Variants in ATN1 observed in about 807,000 individuals in gnomAD.
The protein encoded by ATN1 is atrophin 1.
A neutral mutation model predicts 85.8 loss-of-function variants in ATN1; 19 were observed. That is an observed-to-expected ratio of 0.22 (90% confidence interval 0.15 to 0.32). The LOEUF (loss-of-function observed/expected upper bound fraction) is 0.32, where lower values mean the gene tolerates loss of function less well. Among genes scored for constraint, ATN1 ranks in the 10% least tolerant of loss-of-function variants. ATN1 has a pLI of 1.00. For synonymous variants in ATN1, 674 were observed against 657.0 expected (o/e 1.03, Z -0.39); for missense variants, 1,453 against 1,564.5 (o/e 0.93, Z 1.20).
At chr12:6,939,424 A>G (rs1027975958) in intron 7 of ATN1, among the ~76,000 whole-genome samples, 1 of 152,212 alleles carries the variant, frequency 6.6e-6, no homozygotes, top group Non-Finnish European at 1.5e-5. Context: ...TTCCCATGAC[A>G]GAGGCCCACA....
At chr12:6,940,822 T>TG (rs2138222635) in intron 7 of ATN1, 58 bp from the exon 8 acceptor site, 1 of 1,608,176 alleles carries the variant, frequency 6.2e-7, no homozygotes. Context: ...TTCACCCAAA[T>TG]GCATGGTTTG....
Position 6,937,190 on chromosome 12 carries a change from G to A in ATN1, c.1923G>A (p.Lys641=), listed in dbSNP as rs936832430. 6.2e-7 allele frequency: 1 copy of A among 1,611,350 alleles called. No individual in the cohort carries two copies. Among genetic ancestry groups the A allele is most frequent in the Non-Finnish European group, 8.5e-7 (1 of 1,179,612 alleles). ...CACCTGGGCCCCCACCGTACGGAAA[G>A]AGAGCCCCGTCCCCGGGGGCCTACA... ...ASPPGPPPYG[K]RAPSPGAYKT... The change falls in exon 5 of 10, where the codon AAG becomes AAA. Residue 641 remains lysine, a synonymous_variant. Coordinates refer to ENST00000396684, the MANE Select transcript of ATN1 (RefSeq NM_001940.4). The surrounding 1 kb of genome is among the most constrained non-coding windows in gnomAD (Gnocchi z 6.0).
chr12:6,929,218 T>C lies in ATN1; in HGVS notation c.-163+834T>C, dbSNP rs1032776688. Among the ~76,000 whole-genome samples, 62 of 152,010 alleles carry C rather than the reference T, an allele frequency of 4.1e-4. 1 individual carries two copies. The highest frequency in any genetic ancestry group is 6.5e-5 in the Admixed American group (1 of 15,272). On this transcript the variant is annotated intron_variant, in intron 1 of 9. Coordinates refer to ENST00000396684, the MANE Select transcript of ATN1 (RefSeq NM_001940.4). Reference sequence around the variant, plus strand: ...GTTCTGGGAGGATGGAAATGGAGAATTGAGCAACCTTACAGGCACTCCAGG... The same window carrying C: ...GTTCTGGGAGGATGGAAATGGAGAACTGAGCAACCTTACAGGCACTCCAGG...
Position 6,937,215 on chromosome 12 carries a change from A to C in ATN1, c.1948A>C (p.Lys650Gln). ...GAGAGCCCCGTCCCCGGGGGCCTAC[A>C]AGACAGCCACCCCACCCGGATACAA... The part of the protein sequence containing the change: ...GKRAPSPGAY[K>Q]TATPPGYKPG... Residue 650 changes from lysine (K) to glutamine (Q), a missense_variant, in exon 5 of 10, where the codon AAG (lysine) becomes CAG (glutamine). Coordinates refer to ENST00000396684, the MANE Select transcript of ATN1 (RefSeq NM_001940.4). This position sits in a 1 kb window ranked among gnomAD's most constrained non-coding sequence, Gnocchi z 6.0. The C allele has an allele frequency of 6.2e-7, 1 of 1,611,502 alleles. No homozygotes were observed. The highest frequency in any genetic ancestry group is 8.5e-7 in the Non-Finnish European group (1 of 1,179,582).
In ATN1 at chr12:6,936,004, G is replaced by C. The variant is rs782237952; in HGVS notation, c.737G>C (p.Gly246Ala). The C allele has an allele frequency of 5.0e-6, 8 of 1,588,012 alleles. No individual in the cohort carries two copies. The Admixed American group carries it at 1.4e-4, about 28-fold the overall frequency. Residue 246 changes from glycine (G) to alanine (A), a missense_variant, in exon 5 of 10, where the codon GGC (glycine) becomes GCC (alanine). Around this residue, in one of 6 missense-constraint regions of ATN1, gnomAD observed 990 missense variants for 914.8 expected, o/e 1.08. Transcript: ENST00000396684. ...GGAGGGGCTGCCTCATCAGTGGGGG[G>C]CCCTAATGGGGGTAAGCAGCACCCC... ...KGGGAASSVG[G>A]PNGGKQHPPP...
upstream of ATN1, chr12:6,924,625 T>G (rs782800917): frequency 6.6e-6 from 1 of 152,590 alleles, no homozygotes; most frequent in South Asian, 2.1e-4. Context: ...ATTTCTTTTC[T>G]TGCCCTCCTT....
upstream of ATN1, among the ~76,000 whole-genome samples, chr12:6,925,305 C>G (rs1298548053): frequency 6.6e-6 from 1 of 152,054 alleles, no homozygotes; most frequent in Non-Finnish European, 1.5e-5. Context: ...TAGCCCATTC[C>G]TTAGTGATTA....
upstream of ATN1, among the ~76,000 whole-genome samples, chr12:6,925,117 C>CGTGT (rs376981297): frequency 0.066 from 9,447 of 143,752 alleles, 601 homozygotes; most frequent in East Asian, 0.35. Context: ...TGTGCGTGTG[C>CGTGT]GTGTGTGTGT....
chr12:6,924,947 C>T (rs1476192078), upstream of ATN1, among the ~76,000 whole-genome samples: 1 of 152,158 alleles, frequency 6.6e-6, no homozygotes, highest in Admixed American at 6.5e-5. Context: ...GGCCCCCCAA[C>T]CCCCAAAGTA....
intron 7 of ATN1, among the ~76,000 whole-genome samples, chr12:6,939,441 C>G (rs1945604273): frequency 1.3e-5 from 2 of 152,212 alleles, no homozygotes; most frequent in African/African-American, 4.8e-5. Context: ...CACACGGGAG[C>G]TTTTGAAGGA....
At chr12:6,925,696 G>GA (rs1555142529), upstream of ATN1, among the ~76,000 whole-genome samples, 1 of 152,226 alleles carries the variant, frequency 6.6e-6, no homozygotes, top group Non-Finnish European at 1.5e-5. Context: ...ATCTTGTTTA[G>GA]AGCTTTTGAG....
In ATN1 at chr12:6,934,379, G is replaced by A; in HGVS notation, c.165+66G>A. On this transcript the variant is annotated intron_variant, in intron 3 of 9. Coordinates refer to ENST00000396684, the MANE Select transcript of ATN1 (RefSeq NM_001940.4). The surrounding 1 kb of genome is among the most constrained non-coding windows in gnomAD (Gnocchi z 4.5). Reference sequence around the variant, plus strand: ...CTGGGGCTGAGGGTGTGTGTGTGTTGTGGGGGAACTTCCTGTTTGGCAGAG... The same window carrying A: ...CTGGGGCTGAGGGTGTGTGTGTGTTATGGGGGAACTTCCTGTTTGGCAGAG... The A allele has an allele frequency of 6.2e-7, 1 of 1,600,562 alleles. No individual in the cohort carries two copies. The highest frequency in any genetic ancestry group is 8.5e-7 in the Non-Finnish European group (1 of 1,172,860).
intron 1 of ATN1, among the ~76,000 whole-genome samples, chr12:6,932,043 A>C (rs1555143124): frequency 2.0e-5 from 3 of 150,564 alleles, no homozygotes; most frequent in African/African-American, 7.3e-5. Context: ...TCAAAAAAAA[A>C]AAAAAAAAAA....
Position 6,939,323 on chromosome 12 carries a change from T to A in ATN1, c.3214+146T>A, listed in dbSNP as rs1333095589. Reference sequence around the variant, plus strand: ...ATTGCTGCCCTGAACTTTGCCTCCCTGACGTTCTCTCAGCCTTGTCTTCTC... The same window carrying A: ...ATTGCTGCCCTGAACTTTGCCTCCCAGACGTTCTCTCAGCCTTGTCTTCTC... On this transcript the variant is annotated intron_variant, in intron 7 of 9. Transcript: ENST00000396684. 11 of 1,220,098 alleles carry A rather than the reference T, an allele frequency of 9.0e-6. 1 individual carries two copies. The East Asian group carries it at 2.3e-4, about 26-fold the overall frequency. The allele number at this position is 1,220,098 out of a possible 1,614,324, so 75.6% of individuals were successfully genotyped here.
At position 6,933,821 on chromosome 12, in the gene ATN1, G is replaced by A. The variant is rs1945495870; in HGVS notation, c.-162-19G>A. ...CTCTGTTCTCCAAGTTGGAGACTCT[G>A]ATGGTTTCCTTCTAACAGGTTTCAT... On this transcript the variant is annotated intron_variant, in intron 1 of 9. Transcript: ENST00000396684. 5.9e-6 allele frequency: 4 copies of A among 679,272 alleles called. No homozygotes were observed. The Admixed American group carries it at 1.1e-4, about 19-fold the overall frequency. The allele number at this position is 679,272 out of a possible 1,614,324, so 42.1% of individuals were successfully genotyped here.
upstream of ATN1, among the ~76,000 whole-genome samples, chr12:6,925,270 T>C (rs1265329240): frequency 6.6e-6 from 1 of 152,090 alleles, no homozygotes; most frequent in African/African-American, 2.4e-5. Context: ...CACATATGCC[T>C]AAATTTTTCT....
upstream of ATN1, among the ~76,000 whole-genome samples, chr12:6,927,247 TC>T (rs1555142662): frequency 6.6e-6 from 1 of 151,568 alleles, no homozygotes; most frequent in African/African-American, 2.4e-5. Flanking sequence ...TTTTTCTCTC[TC>T]CTTATGACCC....
Position 6,934,238 on chromosome 12 carries a change from G to T in ATN1, c.90G>T (p.Arg30Ser). 1 of 1,587,770 alleles carries T rather than the reference G, an allele frequency of 6.3e-7. No individual in the cohort carries two copies. Among genetic ancestry groups the T allele is most frequent in the Non-Finnish European group, 8.5e-7 (1 of 1,173,708 alleles). Reference sequence around the variant, plus strand: ...GGCCCCGGGAAGAACTGAGATCGAGGGGCCGGGCCTCCCCTGGAGGGGTCA... The same window carrying T: ...GGCCCCGGGAAGAACTGAGATCGAGTGGCCGGGCCTCCCCTGGAGGGGTCA... ...APGPREELRS[R>S]GRASPGGVST... Residue 30 changes from arginine to serine, a missense_variant, in exon 3 of 10, where the codon AGG (arginine) becomes AGT (serine). Physicochemically the swap from Arg to Ser is moderately radical, Grantham distance 110. Transcript: ENST00000396684. This position sits in a 1 kb window ranked among gnomAD's most constrained non-coding sequence, Gnocchi z 4.5.
rs142549170 is a variant in ATN1 at position 6,940,013 on chromosome 12, C to T, written c.3214+836C>T. Among the ~76,000 whole-genome samples, 366 of 152,320 alleles carry T rather than the reference C, an allele frequency of 2.4e-3. 3 individuals carry two copies. Among genetic ancestry groups the T allele is most frequent in the Non-Finnish European group, 1.3e-3 (87 of 68,036 alleles). On this transcript the variant is annotated intron_variant, in intron 7 of 9. Coordinates refer to ENST00000396684, the MANE Select transcript of ATN1 (RefSeq NM_001940.4). The stretch of plus-strand genomic sequence containing the variant: ...TTTTTTGGTTTTTGAGACGGAGTCT[C>T]GCCCTGTCACCAAGCTGGAGTGCAG...
Sources: allele counts gnomAD v4.1 joint callset (sites outside exome capture counted in the v4.1 genomes callset), GRCh38; gene constraint gnomAD v4.1.1; regional missense constraint gnomAD v4.1.1; non-coding constraint Gnocchi (gnomAD v3.1); transcripts MANE v1.5; gene names NCBI Gene and HGNC (gene_info 2026-07-23, HGNC 2026-07-21).